SMR3B: variants seen among roughly 807,000 people sequenced by gnomAD.
The protein encoded by SMR3B is submaxillary gland androgen-regulated protein 3B.
For missense variants in SMR3B, 114 were observed against 99.9 expected, an observed-to-expected ratio of 1.14 and a Z score of -0.60; for synonymous variants, 42 against 36.1, an observed-to-expected ratio of 1.16 and a Z score of -0.59.
At chr4:70,389,456 A>G (rs1248740778) in intron 2 of SMR3B, among the ~76,000 whole-genome samples, 1 of 152,144 alleles carries the variant, frequency 6.6e-6, no homozygotes, top group Non-Finnish European at 1.5e-5. Context: ...CATTTACTGC[A>G]GCTTCAAATC....
intron 2 of SMR3B, among the ~76,000 whole-genome samples, chr4:70,385,509 T>C (rs1449088664): frequency 2.0e-5 from 3 of 150,710 alleles, no homozygotes; most frequent in African/African-American, 4.9e-5. Context: ...GTTCGCGCCA[T>C]TCTCCTGCCT....
At chr4:70,386,283 A>AAG (rs1553915112) in intron 2 of SMR3B, among the ~76,000 whole-genome samples, 1 of 151,502 alleles carries the variant, frequency 6.6e-6, no homozygotes, top group East Asian at 1.9e-4. Flanking sequence ...AAAAAAAAAA[A>AAG]AAAAGAAAAA....
chr4:70,384,594 T>TTTATAGTTTC (rs1732624583), intron 2 of SMR3B, 30 bp downstream of exon 2: 1 of 1,564,536 alleles, frequency 6.4e-7, no homozygotes, highest in Non-Finnish European at 8.6e-7. Context: ...ATCACACTTC[T>TTTATAGTTTC]TTATAGTTTC....
chr4:70,387,597 A>T (rs2109761697), intron 2 of SMR3B, among the ~76,000 whole-genome samples: 1 of 152,302 alleles, frequency 6.6e-6, no homozygotes. Context: ...TTGTAAAGAA[A>T]CAGAAAATTC....
intron 2 of SMR3B, among the ~76,000 whole-genome samples, chr4:70,388,484 T>C (rs554593036): frequency 5.3e-4 from 80 of 152,106 alleles, no homozygotes; most frequent in Non-Finnish European, 1.1e-3. Context: ...TCTAAGCATT[T>C]TACAGGTAAT....
At position 70,390,039 on chromosome 4, in the gene SMR3B, C is replaced by T. The variant is rs1299731002; in HGVS notation, c.*191C>T. Reference sequence around the variant, plus strand: ...ACAAAAGACACCACTACCCTTGTAACTACTGCTTCTACTACCCAAAATATG... The same window carrying T: ...ACAAAAGACACCACTACCCTTGTAATTACTGCTTCTACTACCCAAAATATG... On this transcript the variant is annotated 3_prime_UTR_variant, in exon 3 of 3. Transcript: ENST00000304915. 1 of 1,082,612 alleles carries T rather than the reference C, an allele frequency of 9.2e-7. No individual in the cohort carries two copies. Among genetic ancestry groups the T allele is most frequent in the Non-Finnish European group, 1.4e-6 (1 of 701,074 alleles). The allele number at this position is 1,082,612 out of a possible 1,614,324, so 67.1% of individuals were successfully genotyped here.
intron 2 of SMR3B, 71 bp downstream of exon 2, chr4:70,384,635 C>T (rs1008893077): frequency 7.1e-6 from 11 of 1,553,956 alleles, no homozygotes; most frequent in African/African-American, 2.8e-5. Context: ...TTTCTTTTTA[C>T]ATTAATGATG....
intron 1 of SMR3B, 41 bp from the exon 2 acceptor site, chr4:70,384,456 A>G (rs183308419): frequency 1.3e-6 from 2 of 1,589,536 alleles, no homozygotes; most frequent in African/African-American, 2.7e-5. Context: ...ACTTTTTAAT[A>G]AAAAACAATC....
intron 2 of SMR3B, among the ~76,000 whole-genome samples, chr4:70,389,122 A>T (rs1394045962): frequency 6.6e-6 from 1 of 152,112 alleles, no homozygotes; most frequent in Non-Finnish European, 1.5e-5. Flanking sequence ...ACAAACTACC[A>T]CCAATTAGTA....
intron 2 of SMR3B, chr4:70,385,205 G>A (rs1732637170): frequency 6.6e-6 from 1 of 152,116 alleles, no homozygotes; most frequent in Admixed American, 6.6e-5. Context: ...TCAAAGTAGT[G>A]TTAGATTAAT....
At chr4:70,387,662 C>T (rs560348376) in intron 2 of SMR3B, among the ~76,000 whole-genome samples, 1 of 152,226 alleles carries the variant, frequency 6.6e-6, no homozygotes, top group African/African-American at 2.4e-5. Flanking sequence ...AAGTTCATTT[C>T]TAATTGCCTG....
In SMR3B at chr4:70,389,924, C is replaced by A. The variant is rs1732733860; in HGVS notation, c.*76C>A. ...ACCAAGACCCTATCCACCTGGACCT[C>A]CATTTTTCCCTGTAAATTCTCCAAC... On this transcript the variant is annotated 3_prime_UTR_variant, in exon 3 of 3. Transcript: ENST00000304915. 2 of 1,604,478 alleles carry A rather than the reference C, an allele frequency of 1.2e-6. No homozygotes were observed. The highest frequency in any genetic ancestry group is 1.7e-6 in the Non-Finnish European group (2 of 1,171,614).
At position 70,384,554 on chromosome 4, in the gene SMR3B, CGT is replaced by C. The variant is rs1732622986; in HGVS notation, c.47_48del (p.Cys16PhefsTer5). Reference sequence around the variant, plus strand: ...ATCTTGGGCCTTTGGGCTCTTGCAGCGTGTTTCACAGTAAGTATCATTAATCA... The same window carrying C: ...ATCTTGGGCCTTTGGGCTCTTGCAGCGTTTCACAGTAAGTATCATTAATCA... On this transcript the variant is annotated frameshift_variant, in exon 2 of 3. Transcript: ENST00000304915. LOFTEE classifies it low-confidence loss of function (END_TRUNC). 6.2e-7 allele frequency: 1 copy of C among 1,608,744 alleles called. No homozygotes were observed. Among genetic ancestry groups the C allele is most frequent in the Non-Finnish European group, 8.5e-7 (1 of 1,177,166 alleles).
In SMR3B at chr4:70,390,004, C is replaced by T. The variant is rs1732736159; in HGVS notation, c.*156C>T. On this transcript the variant is annotated 3_prime_UTR_variant, in exon 3 of 3. Transcript: ENST00000304915. ...AAATATGAACAACTGCAGCAGGTGC[C>T]ACCACCACCACAAAAGACACCACTA... is the stretch of plus-strand genomic sequence containing the variant. 3 of 1,412,104 alleles carry T rather than the reference C, an allele frequency of 2.1e-6. No individual in the cohort carries two copies. Among genetic ancestry groups the T allele is most frequent in the Non-Finnish European group, 1.0e-6 (1 of 997,762 alleles). The allele number at this position is 1,412,104 out of a possible 1,614,324, so 87.5% of individuals were successfully genotyped here.
chr4:70,389,975 C>A lies in SMR3B; in HGVS notation c.*127C>A. 6.4e-7 allele frequency: 1 copy of A among 1,560,690 alleles called. No individual in the cohort carries two copies. Among genetic ancestry groups the A allele is most frequent in the Non-Finnish European group, 8.8e-7 (1 of 1,131,834 alleles). ...TGATCCTACCCTCCCTACTCCTGCA[C>A]CCCAAATATGAACAACTGCAGCAGG... On this transcript the variant is annotated 3_prime_UTR_variant, in exon 3 of 3. Transcript: ENST00000304915.
intron 2 of SMR3B, among the ~76,000 whole-genome samples, chr4:70,386,685 GGTATACTTACTAT>G (rs1267407580): frequency 6.6e-6 from 1 of 152,038 alleles, no homozygotes; most frequent in Non-Finnish European, 1.5e-5. Context: ...AATGTGATTG[GGTATACTTACTAT>G]GAAGATTTTT....
chr4:70,387,444 A>G (rs2109761640), intron 2 of SMR3B, among the ~76,000 whole-genome samples: 1 of 152,266 alleles, frequency 6.6e-6, no homozygotes, highest in South Asian at 2.1e-4. Context: ...TGGAACATAA[A>G]TGATAGTTGT....
At position 70,384,128 on chromosome 4, in the gene SMR3B, A is replaced by G. The variant is rs1361578021; in HGVS notation, c.-14-369A>G. On this transcript the variant is annotated intron_variant, in intron 1 of 2. Coordinates refer to ENST00000304915, the MANE Select transcript of SMR3B (RefSeq NM_006685.4). ...CATAGAAATCTATAATGTATCTACT[A>G]TTTTTAAAATATCAAAATGTTCAAA... Among the ~76,000 whole-genome samples, 2 of 152,038 alleles carry G rather than the reference A, an allele frequency of 1.3e-5. 1 individual carries two copies. The highest frequency in any genetic ancestry group is 3.9e-4 in the East Asian group (2 of 5,170).
At chr4:70,386,000 A>C (rs1265787567) in intron 2 of SMR3B, among the ~76,000 whole-genome samples, 1 of 151,574 alleles carries the variant, frequency 6.6e-6, no homozygotes, top group Non-Finnish European at 1.5e-5. Context: ...TGGGCCAGGC[A>C]CGGTGGCTCA....
Sources: gnomAD v4.1 joint callset for allele counts (sites outside exome capture counted in the v4.1 genomes callset) on GRCh38, gnomAD v4.1.1 for gene constraint, MANE v1.5 for transcripts, NCBI Gene and HGNC (gene_info 2026-07-23, HGNC 2026-07-21) for gene names.